Variants in ARHGEF19 observed in about 807,000 individuals in gnomAD.
ARHGEF19 encodes the protein Rho guanine nucleotide exchange factor 19.
In ARHGEF19, 92 loss-of-function variants were observed where a neutral mutation model predicts 87.6. The ratio of observed to expected loss-of-function variants is 1.05; its 90% CI spans 0.89 to 1.25. The LOEUF is 1.25. ARHGEF19 is among the 50% of genes most tolerant of loss of function. The pLI, the probability that ARHGEF19 is intolerant of heterozygous loss-of-function variation, is 0.00. For synonymous variants in ARHGEF19, 438 were observed against 446.2 expected, an observed-to-expected ratio of 0.98 and a Z score of 0.23; for missense variants, 1,054 against 1,051.8, an observed-to-expected ratio of 1.00 and a Z score of -0.03.
At chr1:16,210,954 A>G (rs1318959450) in intron 1 of ARHGEF19, among the ~76,000 whole-genome samples, 1 of 152,064 alleles carries the variant, frequency 6.6e-6, no homozygotes, top group African/African-American at 2.4e-5. Flanking sequence ...CAGCTTCTCA[A>G]CTGCTTCCCC....
chr1:16,209,442 C>A (rs1382028626), intron 1 of ARHGEF19, among the ~76,000 whole-genome samples: 1 of 152,164 alleles, frequency 6.6e-6, no homozygotes, highest in Non-Finnish European at 1.5e-5. Flanking sequence ...TTTTAACCAC[C>A]TTGTACTTCT....
At chr1:16,199,103 G>A (rs924246445) in intron 15 of ARHGEF19, 47 bp downstream of exon 15, 4 of 1,583,284 alleles carry the variant, frequency 2.5e-6, no homozygotes, top group African/African-American at 2.7e-5. Context: ...GCCACCTCCT[G>A]CCCACCCAAG....
In ARHGEF19 at chr1:16,208,991, G is replaced by A. The variant is rs1467126969; in HGVS notation, c.64C>T (p.His22Tyr). 4.6e-6 allele frequency: 7 copies of A among 1,523,454 alleles called. No homozygotes were observed. Among genetic ancestry groups the A allele is most frequent in the Non-Finnish European group, 5.3e-6 (6 of 1,136,918 alleles). 94.4% of individuals were successfully genotyped at this position (1,523,454 alleles called of 1,614,324 possible). Reference protein sequence around the residue: ...HLTGPPGTAHHPVAVCQQESL... With the variant: ...HLTGPPGTAHYPVAVCQQESL... ...TCCTGCTGGCACACTGCTACAGGGT[G>A]GTGGGCAGTGCCAGGTGGCCCAGTC... The change falls in exon 2 of 16, where the codon CAC becomes TAC. Residue 22 changes from histidine to tyrosine, a missense_variant. His to Tyr is a moderately conservative substitution (Grantham distance 83). Coordinates refer to ENST00000270747, the MANE Select transcript of ARHGEF19 (RefSeq NM_153213.5).
At chr1:16,209,107 C>T in intron 1 of ARHGEF19, 24 bp from the exon 2 acceptor site, 1 of 1,406,540 alleles carries the variant, frequency 7.1e-7, no homozygotes, top group Non-Finnish European at 9.2e-7. Context: ...GATATCAGAC[C>T]TAGACAGAGG....
Position 16,198,819 on chromosome 1 carries a change from C to A in ARHGEF19, c.2252-75G>T. 4.0e-6 allele frequency: 6 copies of A among 1,508,740 alleles called. No homozygotes were observed. The highest frequency in any genetic ancestry group is 5.3e-6 in the Non-Finnish European group (6 of 1,126,382). 93.5% of individuals were successfully genotyped at this position (1,508,740 alleles called of 1,614,324 possible). A position where few individuals can be genotyped will look rare whatever the true frequency, so the allele number is the denominator to read the frequency against. On this transcript the variant is annotated intron_variant, in intron 15 of 15. Coordinates refer to ENST00000270747, the MANE Select transcript of ARHGEF19 (RefSeq NM_153213.5). The surrounding 1 kb of genome is among the most constrained non-coding windows in gnomAD (Gnocchi z 4.1). ...AGGCCTGGAAGGGAACACCACAGCCCTGATGCAAGCTTTGTCTGCACCCTT... is the reference window on the plus strand; with the variant it reads ...AGGCCTGGAAGGGAACACCACAGCCATGATGCAAGCTTTGTCTGCACCCTT...
Position 16,205,932 on chromosome 1 carries a change from G to A in ARHGEF19, c.1450C>T (p.Leu484Phe). The A allele has an allele frequency of 1.2e-6, 2 of 1,606,500 alleles. No individual in the cohort carries two copies. Among genetic ancestry groups the A allele is most frequent in the Non-Finnish European group, 1.7e-6 (2 of 1,176,612 alleles). ...CCCTTTCAGAGCCCCCAGCCCTACA[G>A]CAGGCGCTGGTAGGTGCGCTCCTGG... ...AYQERTYQRL[L>F]LENPRFPGIL... is the part of the protein sequence containing the mutation. The change falls in exon 8 of 16, where the codon CTC becomes TTC. Residue 484 changes from leucine (L) to phenylalanine (F), a missense_variant and splice_region_variant. By Grantham distance (22) the Leu-to-Phe change is conservative. Transcript: ENST00000270747. This position sits in a 1 kb window ranked among gnomAD's most constrained non-coding sequence, Gnocchi z 5.8.
intron 12 of ARHGEF19, among the ~76,000 whole-genome samples, chr1:16,203,808 C>A (rs1387390154): frequency 6.6e-6 from 1 of 152,188 alleles, no homozygotes; most frequent in Non-Finnish European, 1.5e-5. Context: ...TTTATTGATT[C>A]TCACTCCACA....
chr1:16,199,712 C>G (rs1031406713), intron 14 of ARHGEF19, among the ~76,000 whole-genome samples: 3 of 152,248 alleles, frequency 2.0e-5, no homozygotes, highest in Admixed American at 2.0e-4. Context: ...TAAAGCCCTC[C>G]AGGGCTTCCC....
rs546628515 is a variant in ARHGEF19 at position 16,211,921 on chromosome 1, C to A, written c.-30+581G>T. On this transcript the variant is annotated intron_variant, in intron 1 of 15. Coordinates refer to ENST00000270747, the MANE Select transcript of ARHGEF19 (RefSeq NM_153213.5). ...TGGAGCCCAAAAAGAATAACCTCCG[C>A]CCAAGCTTTGAGGCCCAGTGTTGAC... Among the ~76,000 whole-genome samples, 16 of 152,358 alleles carry A rather than the reference C, an allele frequency of 1.1e-4. No homozygotes were observed. The East Asian group carries it at 1.7e-3, about 17-fold the overall frequency.
Position 16,205,238 on chromosome 1 carries a change from CAGACTCTTGCCTGGGGACCGG to C in ARHGEF19, c.1657-83_1657-63del. On this transcript the variant is annotated intron_variant, in intron 10 of 15. Coordinates refer to ENST00000270747, the MANE Select transcript of ARHGEF19 (RefSeq NM_153213.5). The surrounding 1 kb of genome is among the most constrained non-coding windows in gnomAD (Gnocchi z 5.8). ...AGCTCCGGCTCCCAGAGCCCAGCCT[CAGACTCTTGCCTGGGGACCGG>C]AGACTCTGACAGCTGGGGGCTGTTT... The C allele has an allele frequency of 6.3e-7, 1 of 1,596,014 alleles. No homozygotes were observed. The highest frequency in any genetic ancestry group is 1.3e-5 in the African/African-American group (1 of 74,696).
Position 16,205,942 on chromosome 1 carries a change from G to A in ARHGEF19, c.1440C>T (p.Tyr480=). Reference sequence around the variant, plus strand: ...GCCCCCAGCCCTACAGCAGGCGCTGGTAGGTGCGCTCCTGGTAGGCCTGGT... The same window carrying A: ...GCCCCCAGCCCTACAGCAGGCGCTGATAGGTGCGCTCCTGGTAGGCCTGGT... ...VTNQAYQERT[Y]QRLLLENPRF... The change falls in exon 8 of 16, where the codon TAC becomes TAT. Residue 480 remains tyrosine, a synonymous_variant. Coordinates refer to ENST00000270747, the MANE Select transcript of ARHGEF19 (RefSeq NM_153213.5). This position sits in a 1 kb window ranked among gnomAD's most constrained non-coding sequence, Gnocchi z 5.8. 1.9e-6 allele frequency: 3 copies of A among 1,609,442 alleles called. No individual in the cohort carries two copies. The highest frequency in any genetic ancestry group is 2.5e-6 in the Non-Finnish European group (3 of 1,177,990).
At position 16,205,484 on chromosome 1, in the gene ARHGEF19, C is replaced by G. The variant is rs1266034497; in HGVS notation, c.1581+54G>C. 5 of 1,612,688 alleles carry G rather than the reference C, an allele frequency of 3.1e-6. No individual in the cohort carries two copies. The Admixed American group carries it at 8.4e-5, about 27-fold the overall frequency. On this transcript the variant is annotated intron_variant, in intron 9 of 15. Transcript: ENST00000270747. This position sits in a 1 kb window ranked among gnomAD's most constrained non-coding sequence, Gnocchi z 5.8. ...TCATACTCCCGAGACCCGGCCCGCC[C>G]ACAGGTGTATCTCCCTCGCCCAGCC...
In ARHGEF19 at chr1:16,202,542, T is replaced by G. The variant is rs1336215636; in HGVS notation, c.1940A>C (p.Lys647Thr). Residue 647 changes from lysine to threonine, a missense_variant, in exon 13 of 16, where the codon AAG (lysine) becomes ACG (threonine). Lys to Thr is a moderately conservative substitution (Grantham distance 78). Coordinates refer to ENST00000270747, the MANE Select transcript of ARHGEF19 (RefSeq NM_153213.5). ...GTCCCGCACCTGCAGCTCAGCCATC[T>G]TGGCATGGACGAAAACGGCAAACTT... ...LGKFAVFVHA[K>T]MAELQVRDLS... 6.2e-7 allele frequency: 1 copy of G among 1,614,148 alleles called. No homozygotes were observed. The highest frequency in any genetic ancestry group is 8.5e-7 in the Non-Finnish European group (1 of 1,179,962).
rs1177953922 is a variant in ARHGEF19 at position 16,205,065 on chromosome 1, C to A, written c.1746+22G>T. ...AAGAGCTGCCCCTTGGGGTCCCCAT[C>A]CCGCTGGCTGCAGACACACACCTTG... On this transcript the variant is annotated intron_variant, in intron 11 of 15. Coordinates refer to ENST00000270747, the MANE Select transcript of ARHGEF19 (RefSeq NM_153213.5). The surrounding 1 kb of genome is among the most constrained non-coding windows in gnomAD (Gnocchi z 5.8). The A allele has an allele frequency of 1.3e-6, 2 of 1,585,478 alleles. No individual in the cohort carries two copies. Among genetic ancestry groups the A allele is most frequent in the South Asian group, 2.3e-5 (2 of 87,136 alleles).
chr1:16,206,499 C>A lies in ARHGEF19; in HGVS notation c.1138-159G>T. The A allele has an allele frequency of 1.3e-6, 1 of 749,388 alleles. No homozygotes were observed. The highest frequency in any genetic ancestry group is 2.2e-6 in the Non-Finnish European group (1 of 453,006). The allele number at this position is 749,388 out of a possible 1,614,324, so 46.4% of individuals were successfully genotyped here. A position where few individuals can be genotyped will look rare whatever the true frequency, so the allele number is the denominator to read the frequency against. Reference sequence around the variant, plus strand: ...CCGGGCGGGCCCGGCGACCCACGTCCCGCCGCGGGAAATTGTGCAAGCCTT... The same window carrying A: ...CCGGGCGGGCCCGGCGACCCACGTCACGCCGCGGGAAATTGTGCAAGCCTT... On this transcript the variant is annotated intron_variant, in intron 6 of 15. Coordinates refer to ENST00000270747, the MANE Select transcript of ARHGEF19 (RefSeq NM_153213.5). This position sits in a 1 kb window ranked among gnomAD's most constrained non-coding sequence, Gnocchi z 4.6.
chr1:16,207,430 T>A lies in ARHGEF19; in HGVS notation c.874+92A>T. ...CATTCTCCGTTTCTCACTCGATCCC[T>A]ACCTCTCAACTCTCCAAACCCTCTT... is the stretch of plus-strand genomic sequence containing the variant. On this transcript the variant is annotated intron_variant, in intron 5 of 15. Coordinates refer to ENST00000270747, the MANE Select transcript of ARHGEF19 (RefSeq NM_153213.5). This position sits in a 1 kb window ranked among gnomAD's most constrained non-coding sequence, Gnocchi z 4.0. The A allele has an allele frequency of 6.6e-7, 1 of 1,511,126 alleles. No homozygotes were observed. Among genetic ancestry groups the A allele is most frequent in the East Asian group, 2.3e-5 (1 of 43,586 alleles). 93.6% of individuals were successfully genotyped at this position (1,511,126 alleles called of 1,614,324 possible).
chr1:16,208,000 C>T lies in ARHGEF19; in HGVS notation c.638G>A (p.Arg213Gln), dbSNP rs576557883. The T allele has an allele frequency of 3.1e-6, 5 of 1,613,050 alleles. No homozygotes were observed. Among genetic ancestry groups the T allele is most frequent in the African/African-American group, 1.3e-5 (1 of 75,022 alleles). Residue 213 changes from arginine (R) to glutamine (Q), a missense_variant, in exon 3 of 16, where the codon CGG becomes CAG. By Grantham distance (43) the Arg-to-Gln change is conservative. Transcript: ENST00000270747. This position sits in a 1 kb window ranked among gnomAD's most constrained non-coding sequence, Gnocchi z 4.0. The stretch of plus-strand genomic sequence containing the variant: ...GATGAGTGCCCGGGCTGCTGAATTC[C>T]GCCCCAGGCGCAGAGAAGAGTGCAG... The part of the protein sequence containing the change: ...TRLHSSLRLG[R>Q]NSAARALISG...
rs762000781 is a variant in ARHGEF19 at position 16,205,179 on chromosome 1, G to C, written c.1657-3C>G. ...CTAGCATTGCACTCCTGCACCAGCT[G>C]GGGGAGCCGTGGGGAGGTCACCTGC... On this transcript the variant is annotated splice_region_variant and splice_polypyrimidine_tract_variant and intron_variant, in intron 10 of 15. Coordinates refer to ENST00000270747, the MANE Select transcript of ARHGEF19 (RefSeq NM_153213.5). The surrounding 1 kb of genome is among the most constrained non-coding windows in gnomAD (Gnocchi z 5.8). 5 of 1,595,702 alleles carry C rather than the reference G, an allele frequency of 3.1e-6. No individual in the cohort carries two copies. The highest frequency in any genetic ancestry group is 4.3e-6 in the Non-Finnish European group (5 of 1,171,136).
Position 16,207,872 on chromosome 1 carries a change from G to T in ARHGEF19, c.694+72C>A. 2 of 1,585,560 alleles carry T rather than the reference G, an allele frequency of 1.3e-6. No individual in the cohort carries two copies. Among genetic ancestry groups the T allele is most frequent in the Non-Finnish European group, 1.7e-6 (2 of 1,166,310 alleles). ...ACCCTGACGGCCTCAGGCGGCCGGT[G>T]AGTGGGCATCGCCCACCCCCACCCC... On this transcript the variant is annotated intron_variant, in intron 3 of 15. Transcript: ENST00000270747. The surrounding 1 kb of genome is among the most constrained non-coding windows in gnomAD (Gnocchi z 4.0).
Sources: gnomAD v4.1 joint callset for allele counts (sites outside exome capture counted in the v4.1 genomes callset) on GRCh38, gnomAD v4.1.1 for gene constraint, Gnocchi (gnomAD v3.1) non-coding constraint, MANE v1.5 for transcripts, NCBI Gene and HGNC (gene_info 2026-07-23, HGNC 2026-07-21) for gene names.